CYFIP1: variants seen among roughly 807,000 people sequenced by gnomAD.
CYFIP1 encodes cytoplasmic FMR1-interacting protein 1.
In CYFIP1, 58 loss-of-function variants were observed where a neutral mutation model predicts 163.5. The ratio of observed to expected loss-of-function variants is 0.35; its 90% CI spans 0.29 to 0.44. The LOEUF is 0.44. CYFIP1 is among the 20% of genes least tolerant of loss of function. The pLI, the probability that CYFIP1 is intolerant of heterozygous loss-of-function variation, is 1.00. For synonymous variants in CYFIP1, 663 were observed against 660.7 expected (o/e 1.00, Z -0.05); for missense variants, 1,338 against 1,653.8 (o/e 0.81, Z 3.31).
intron 25 of CYFIP1, among the ~76,000 whole-genome samples, chr15:22,880,552 AC>A (rs2059726341): frequency 6.6e-6 from 1 of 152,200 alleles, no homozygotes; most frequent in African/African-American, 2.4e-5. Flanking sequence ...GGAATAAGGC[AC>A]AAAAAGACGC....
Position 22,873,621 on chromosome 15 carries a change from G to C in CYFIP1, c.3319C>G (p.Pro1107Ala), listed in dbSNP as rs1014913398. 1.2e-6 allele frequency: 2 copies of C among 1,614,242 alleles called. No homozygotes were observed. Among genetic ancestry groups the C allele is most frequent in the Non-Finnish European group, 1.7e-6 (2 of 1,180,040 alleles). The change falls in exon 29 of 31, where the codon CCC (proline) becomes GCC (alanine). Residue 1107 changes from proline to alanine, a missense_variant. Physicochemically the swap from Pro to Ala is conservative, Grantham distance 27. This residue lies in a region of CYFIP1 where 306 missense variants were observed against 322.1 expected (regional missense o/e 0.95). Coordinates refer to ENST00000617928, the MANE Select transcript of CYFIP1 (RefSeq NM_014608.6). ...CTGGGCAGAGGCCCGCGCCAGATGG[G>C]GTCATCCAGAAAGCTCCGGATCCGT... is the stretch of plus-strand genomic sequence containing the variant. ...LTRIRSFLDD[P>A]IWRGPLPSNG...
At chr15:22,907,996 T>C (rs536352390) in intron 21 of CYFIP1, among the ~76,000 whole-genome samples, 1 of 152,352 alleles carries the variant, frequency 6.6e-6, no homozygotes, top group Admixed American at 6.5e-5. Flanking sequence ...TTTCTACATT[T>C]CTTATGCTCT....
At position 22,921,784 on chromosome 15, in the gene CYFIP1, A is replaced by AAAAGAC. The variant is rs1555409979; in HGVS notation, c.1360-2927_1360-2926insGTCTTT. 3.3e-4 allele frequency among the ~76,000 whole-genome samples: 47 copies of AAAAGAC among 142,220 alleles called. 1 individual carries two copies. Among genetic ancestry groups the AAAAGAC allele is most frequent in the African/African-American group, 1.1e-3 (44 of 38,350 alleles). 93.3% of individuals were successfully genotyped at this position (142,220 alleles called of 152,430 possible). ...TGTCTCAAAAAAAAAAAAAAAAAAA[A>AAAAGAC]AGAAGCACGAGTTACCAGCATTAAG... On this transcript the variant is annotated intron_variant, in intron 13 of 30. Coordinates refer to ENST00000617928, the MANE Select transcript of CYFIP1 (RefSeq NM_014608.6).
intron 17 of CYFIP1, among the ~76,000 whole-genome samples, chr15:22,913,527 CAAAA>C (rs35228444): frequency 9.7e-5 from 1 of 10,286 alleles, no homozygotes; most frequent in African/African-American, 3.9e-4. Context: ...GGCTCTGTCT[CAAAA>C]AAAAAAAAAA....
chr15:22,903,902 G>A lies in CYFIP1; in HGVS notation c.2392C>T (p.Leu798=), dbSNP rs1453904682. 3.1e-6 allele frequency: 5 copies of A among 1,613,718 alleles called. No individual in the cohort carries two copies. The highest frequency in any genetic ancestry group is 2.2e-5 in the East Asian group (1 of 44,872). The change falls in exon 22 of 31, where the codon CTG becomes TTG. Residue 798 remains leucine, a synonymous_variant. Transcript: ENST00000617928. ...CGGTTGATTTCCAACAGGCCATCCA[G>A]CTCCTGTGGCACCAAAGACAGGGGT... ...ESEDLTSIVE[L]DGLLEINRMT... is the part of the protein sequence containing the mutation.
intron 23 of CYFIP1, among the ~76,000 whole-genome samples, chr15:22,888,187 T>TA (rs1020022103): frequency 1.2e-4 from 19 of 152,144 alleles, no homozygotes; most frequent in East Asian, 3.8e-4. Flanking sequence ...TCACTATTCA[T>TA]AAAAAAAGCA....
At chr15:22,912,545 C>G (rs2060823717) in intron 17 of CYFIP1, among the ~76,000 whole-genome samples, 1 of 152,226 alleles carries the variant, frequency 6.6e-6, no homozygotes, top group African/African-American at 2.4e-5. Flanking sequence ...CCTGCATCTT[C>G]TCACTTAGCA....
At chr15:22,977,461 C>CTCTAAGGG (rs1353475730) in intron 1 of CYFIP1, among the ~76,000 whole-genome samples, 1 of 152,126 alleles carries the variant, frequency 6.6e-6, no homozygotes, top group African/African-American at 2.4e-5. Flanking sequence ...TATCAATGGC[C>CTCTAAGGG]TCTAAGGGTT....
chr15:22,944,885 T>C lies in CYFIP1; in HGVS notation c.262A>G (p.Ser88Gly). The change falls in exon 4 of 31, where the codon AGC becomes GGC. Residue 88 changes from serine (S) to glycine (G), a missense_variant. Physicochemically the swap from Ser to Gly is moderately conservative, Grantham distance 56 (BLOSUM62 0). Transcript: ENST00000617928. ...EYAVMLYTWR[S>G]CSRAIPQVKC... Reference sequence around the variant, plus strand: ...ACCTGTGGGATGGCCCGGGAGCAGCTCCTCCAGGTGTACAGCATGACAGCA... The same window carrying C: ...ACCTGTGGGATGGCCCGGGAGCAGCCCCTCCAGGTGTACAGCATGACAGCA... 1 of 1,614,010 alleles carries C rather than the reference T, an allele frequency of 6.2e-7. No individual in the cohort carries two copies. Among genetic ancestry groups the C allele is most frequent in the Non-Finnish European group, 8.5e-7 (1 of 1,179,996 alleles).
rs890299435 is a variant in CYFIP1 at position 22,911,696 on chromosome 15, A to G, written c.2082+483T>C. On this transcript the variant is annotated intron_variant, in intron 18 of 30. Transcript: ENST00000617928. Reference sequence around the variant, plus strand: ...CCGGGGACCTGTGACATCTCCCTGAAGCACCATTTTCAGGTGGTCTTTGTG... The same window carrying G: ...CCGGGGACCTGTGACATCTCCCTGAGGCACCATTTTCAGGTGGTCTTTGTG... Among the ~76,000 whole-genome samples, 3 of 152,190 alleles carry G rather than the reference A, an allele frequency of 2.0e-5. No homozygotes were observed. In the East Asian group the frequency reaches 5.8e-4, roughly 29 times the overall value.
intron 6 of CYFIP1, among the ~76,000 whole-genome samples, chr15:22,940,197 A>G (rs1188903329): frequency 2.0e-5 from 3 of 152,198 alleles, no homozygotes; most frequent in African/African-American, 7.2e-5. Flanking sequence ...AGGTCTGTGC[A>G]ACCCAGAACC....
At chr15:22,906,697 C>T (rs2142033685) in intron 21 of CYFIP1, among the ~76,000 whole-genome samples, 1 of 152,026 alleles carries the variant, frequency 6.6e-6, no homozygotes, top group South Asian at 2.1e-4. Flanking sequence ...GATCTCCTGA[C>T]CTCGTGATCC....
intron 21 of CYFIP1, among the ~76,000 whole-genome samples, chr15:22,907,142 T>C (rs1362544341): frequency 1.3e-5 from 2 of 152,196 alleles, no homozygotes; most frequent in Non-Finnish European, 1.5e-5. Context: ...TAGGAGGGAA[T>C]TTTGATTTAT....
intron 11 of CYFIP1, among the ~76,000 whole-genome samples, chr15:22,931,247 C>T (rs2061527227): frequency 6.6e-6 from 1 of 152,216 alleles, no homozygotes; most frequent in Non-Finnish European, 1.5e-5. Context: ...CTAAAACCCG[C>T]AGTCCCTGCC....
At chr15:22,912,358 A>C in intron 17 of CYFIP1, 83 bp from the exon 18 acceptor site, 17 of 1,051,502 alleles carry the variant, frequency 1.6e-5, no homozygotes, top group Non-Finnish European at 2.2e-5. Flanking sequence ...TCAGAAACTC[A>C]ACTCCATTTT....
intron 13 of CYFIP1, among the ~76,000 whole-genome samples, chr15:22,920,083 T>TAA (rs971348475): frequency 2.4e-5 from 3 of 124,768 alleles, no homozygotes; most frequent in African/African-American, 9.0e-5. Context: ...TCCACAGTAA[T>TAA]AAAAAAAAAC....
intron 9 of CYFIP1, 100 bp from the exon 10 acceptor site, chr15:22,933,993 G>A (rs2061621369): frequency 4.1e-6 from 3 of 735,386 alleles, no homozygotes; most frequent in Non-Finnish European, 6.7e-6. Flanking sequence ...ACTTCGGCTT[G>A]AATGCTACCT....
intron 1 of CYFIP1, among the ~76,000 whole-genome samples, chr15:22,978,350 C>A (rs1201545196): frequency 4.4e-5 from 1 of 22,606 alleles, no homozygotes; most frequent in East Asian, 1.5e-3. Flanking sequence ...AAGACTCTGT[C>A]ACAAAAAAAA....
At chr15:22,871,673 G>A (rs570075994) in intron 30 of CYFIP1, among the ~76,000 whole-genome samples, 1 of 152,312 alleles carries the variant, frequency 6.6e-6, no homozygotes, top group South Asian at 2.1e-4. Context: ...GTCAGGGAAT[G>A]TTCTCTGGCC....
Sources: gnomAD v4.1 joint callset for allele counts (sites outside exome capture counted in the v4.1 genomes callset) on GRCh38, gnomAD v4.1.1 for gene constraint, gnomAD v4.1.1 regional missense constraint, MANE v1.5 for transcripts, NCBI Gene and HGNC (gene_info 2026-07-23, HGNC 2026-07-21) for gene names.